Variants in MTMR8 observed in about 807,000 individuals in gnomAD.
MTMR8 encodes the protein myotubularin related protein 8.
MTMR8 carries 65 observed loss-of-function variants against 39.3 expected under a neutral mutation model. The ratio of observed to expected loss-of-function variants is 1.65; its 90% CI spans 1.35 to 2.03. The LOEUF (loss-of-function observed/expected upper bound fraction) is 2.03, where lower values mean the gene tolerates loss of function less well. Ranked by LOEUF, MTMR8 falls within the 30% of genes most tolerant of loss-of-function variation. The pLI is 0.00. For synonymous variants in MTMR8, 245 were observed against 185.2 expected (o/e 1.32, Z -2.62); for missense variants, 777 against 538.9 (o/e 1.44, Z -4.37).
At chrX:64,348,401 T>C (rs1378388436) in intron 6 of MTMR8, among the ~76,000 whole-genome samples, 1 of 111,587 alleles carries the variant, frequency 9.0e-6, no homozygotes, top group African/African-American at 3.3e-5. Context: ...TGAGGGATGT[T>C]AAGGAGCCTT....
intron 1 of MTMR8, among the ~76,000 whole-genome samples, chrX:64,361,785 A>G (rs1254675605): frequency 9.0e-6 from 1 of 111,321 alleles, no homozygotes; most frequent in Non-Finnish European, 1.9e-5. Context: ...ACTTGACTCT[A>G]ACTATTACTG....
chrX:64,395,350 G>C lies in MTMR8; in HGVS notation c.14C>G (p.Thr5Arg), dbSNP rs768461405. The C allele has an allele frequency of 5.1e-5, 62 of 1,208,257 alleles. No individual in the cohort carries two copies. The highest frequency in any genetic ancestry group is 6.8e-5 in the Non-Finnish European group (61 of 894,417). ...AACTCTTCTCCTTACCTTGGGTACC[G>C]TAATATGATCCATGACTGCAGTTCC... MDHI[T>R]VPKVENVKLV... Residue 5 changes from threonine to arginine, a missense_variant, in exon 1 of 14, where the codon ACG (threonine) becomes AGG (arginine). By Grantham distance (71) the Thr-to-Arg change is moderately conservative. Transcript: ENST00000374852.
At chrX:64,393,916 C>T (rs1924756245) in intron 1 of MTMR8, among the ~76,000 whole-genome samples, 1 of 112,568 alleles carries the variant, frequency 8.9e-6, no homozygotes. Context: ...CCACAACCAT[C>T]TTGTGAAGTG....
intron 12 of MTMR8, among the ~76,000 whole-genome samples, chrX:64,283,158 C>T (rs893052052): frequency 3.6e-5 from 4 of 112,144 alleles, no homozygotes; most frequent in East Asian, 5.6e-4. Flanking sequence ...TCACAGCAGA[C>T]GGCACACCAG....
chrX:64,382,277 G>A lies in MTMR8; in HGVS notation c.24+13063C>T, dbSNP rs142664695. 6.8e-3 allele frequency among the ~76,000 whole-genome samples: 761 copies of A among 111,452 alleles called. 12 individuals carry two copies. Among genetic ancestry groups the A allele is most frequent in the African/African-American group, 0.023 (713 of 30,653 alleles). Reference sequence around the variant, plus strand: ...ATTTGTTTGTATCCTCTTTTATTTCGTTGAGCAGTGGCTTGTAGTTCTCCT... The same window carrying A: ...ATTTGTTTGTATCCTCTTTTATTTCATTGAGCAGTGGCTTGTAGTTCTCCT... On this transcript the variant is annotated intron_variant, in intron 1 of 13. Transcript: ENST00000374852.
At position 64,273,494 on chromosome X, in the gene MTMR8, C is replaced by CA. The variant is rs748543751; in HGVS notation, c.1482-2422dup. 3.2e-3 allele frequency among the ~76,000 whole-genome samples: 337 copies of CA among 105,978 alleles called. 2 individuals are homozygous for CA. The highest frequency in any genetic ancestry group is 9.6e-3 in the African/African-American group (279 of 29,197). 92.0% of individuals were successfully genotyped at this position (105,978 alleles called of 115,157 possible). On this transcript the variant is annotated intron_variant, in intron 12 of 13. Transcript: ENST00000374852. ...TATAAAAACTAAACAAACAAACAAA[C>CA]AAAAAAAACAAAACATAAAGGAAGA...
chrX:64,306,116 A>AG (rs1358474927), intron 12 of MTMR8: 81 of 229,815 alleles, frequency 3.5e-4, no homozygotes, highest in Non-Finnish European at 3.0e-4. Context: ...ACAGAAAAAA[A>AG]AAATGTTTTG....
intron 1 of MTMR8, among the ~76,000 whole-genome samples, chrX:64,378,423 G>A (rs1272365377): frequency 1.8e-5 from 2 of 110,988 alleles, no homozygotes; most frequent in Non-Finnish European, 3.8e-5. Context: ...TTCTTACTAT[G>A]TTTCCCAGGC....
intron 1 of MTMR8, among the ~76,000 whole-genome samples, chrX:64,365,404 C>T (rs755247016): frequency 1.8e-5 from 2 of 111,478 alleles, no homozygotes; most frequent in South Asian, 7.7e-4. Flanking sequence ...AGACTAACAG[C>T]GGATCTCTCA....
At chrX:64,283,393 TG>T (rs1921033692) in intron 12 of MTMR8, among the ~76,000 whole-genome samples, 1 of 112,136 alleles carries the variant, frequency 8.9e-6, no homozygotes, top group African/African-American at 3.2e-5. Context: ...ACTCCACCTC[TG>T]GGGGCAGGGT....
intron 12 of MTMR8, among the ~76,000 whole-genome samples, chrX:64,312,579 C>A (rs373543326): frequency 8.9e-6 from 1 of 112,180 alleles, no homozygotes; most frequent in Admixed American, 9.5e-5. Flanking sequence ...TTAGAAAACC[C>A]CATTGTCTCC....
Position 64,328,836 on chromosome X carries a change from G to C in MTMR8, c.1417C>G (p.Pro473Ala), listed in dbSNP as rs768821897. ...TACATAGTGAAGCCTTTATAGAGAG[G>C]GTTCCTGAAGTCTGGTTTCCTCTGA... Reference protein sequence around the residue: ...LVQRKPDFRNPLYKGFTMYGV... With the variant: ...LVQRKPDFRNALYKGFTMYGV... Residue 473 changes from proline (P) to alanine (A), a missense_variant, in exon 12 of 14, where the codon CCT becomes GCT. By Grantham distance (27) the Pro-to-Ala change is conservative. Transcript: ENST00000374852. 9.1e-6 allele frequency: 11 copies of C among 1,202,187 alleles called. No homozygotes were observed. Among genetic ancestry groups the C allele is most frequent in the South Asian group, 9.0e-5 (5 of 55,452 alleles).
chrX:64,354,997 A>G (rs1399277816), intron 3 of MTMR8, 63 bp from the exon 4 acceptor site: 1 of 952,829 alleles, frequency 1.0e-6, no homozygotes, highest in Non-Finnish European at 1.4e-6. Flanking sequence ...TCATCAAACA[A>G]TGCAAATAAA....
At chrX:64,321,158 T>G (rs1241361542) in intron 12 of MTMR8, among the ~76,000 whole-genome samples, 1 of 110,777 alleles carries the variant, frequency 9.0e-6, no homozygotes, top group Non-Finnish European at 1.9e-5. Flanking sequence ...AACAAAAAAT[T>G]ATGAGGCATT....
At chrX:64,348,982 G>T (rs185127059) in intron 5 of MTMR8, among the ~76,000 whole-genome samples, 188 bp from the exon 6 acceptor site, 17 of 111,624 alleles carry the variant, frequency 1.5e-4, no homozygotes, top group Admixed American at 4.8e-4. Context: ...TGCCTACCCT[G>T]GGCATGTGGC....
At chrX:64,269,175 C>T (rs756388119) in intron 13 of MTMR8, 132 bp from the exon 14 acceptor site, 120 of 591,868 alleles carry the variant, frequency 2.0e-4, no homozygotes, top group Middle Eastern at 1.1e-3. Context: ...CTCACCCCCT[C>T]CCCCACAACA....
chrX:64,278,460 G>GTTTTTTTTTTTTTTTTTTTTTTTTT lies in MTMR8; in HGVS notation c.1482-7412_1482-7388dup, dbSNP rs56132040. Among the ~76,000 whole-genome samples the GTTTTTTTTTTTTTTTTTTTTTTTTT allele has an allele frequency of 8.1e-5, 2 of 24,686 alleles. 1 individual carries two copies. Among genetic ancestry groups the GTTTTTTTTTTTTTTTTTTTTTTTTT allele is most frequent in the Non-Finnish European group, 1.6e-4 (2 of 12,268 alleles). 21.4% of individuals were successfully genotyped at this position (24,686 alleles called of 115,157 possible). A position where few individuals can be genotyped will look rare whatever the true frequency, so the allele number is the denominator to read the frequency against. On this transcript the variant is annotated intron_variant, in intron 12 of 13. Transcript: ENST00000374852. ...GATGTTGATGCTATTTATTTTGCTG[G>GTTTTTTTTTTTTTTTTTTTTTTTTT]TTTTTTTTTTTTTTTTTTTTTTTTT...
intron 1 of MTMR8, among the ~76,000 whole-genome samples, chrX:64,372,700 A>G (rs1012968088): frequency 9.0e-6 from 1 of 111,690 alleles, no homozygotes; most frequent in Non-Finnish European, 1.9e-5. Flanking sequence ...CTGTATGGAT[A>G]TATCATAAGT....
intron 13 of MTMR8, among the ~76,000 whole-genome samples, chrX:64,270,533 C>T (rs1219643754): frequency 8.9e-6 from 1 of 112,315 alleles, no homozygotes; most frequent in Non-Finnish European, 1.9e-5. Context: ...TTGCAGTTTA[C>T]ATGGGAAGGA....
Sources: allele counts gnomAD v4.1 joint callset (sites outside exome capture counted in the v4.1 genomes callset), GRCh38; gene constraint gnomAD v4.1.1; transcripts MANE v1.5; gene names NCBI Gene and HGNC (gene_info 2026-07-23, HGNC 2026-07-21).